Variants in ITGA8 observed in about 807,000 individuals in gnomAD.
The protein encoded by ITGA8 is integrin subunit alpha 8, also known as integrin alpha-8.
ITGA8 carries 91 observed loss-of-function variants against 142.3 expected under a neutral mutation model. The observed-to-expected ratio is 0.64, with a 90% confidence interval of 0.54 to 0.76. The LOEUF (loss-of-function observed/expected upper bound fraction) is 0.76. ITGA8 is among the 30% of genes least tolerant of loss of function. The probability of loss-of-function intolerance (pLI) is 0.00; values close to 1 mark genes in which losing one functional copy is unlikely to be tolerated. For missense variants in ITGA8, 1,406 were observed against 1,327.7 expected (o/e 1.06, Z -0.92); for synonymous variants, 505 against 485.2 (o/e 1.04, Z -0.54).
At chr10:15,656,684 G>A (rs11593806) in intron 10 of ITGA8, among the ~76,000 whole-genome samples, 1 of 151,834 alleles carries the variant, frequency 6.6e-6, no homozygotes, top group African/African-American at 2.4e-5. Flanking sequence ...TATCGCTGCA[G>A]TTTTTCTTTT....
intron 23 of ITGA8, among the ~76,000 whole-genome samples, chr10:15,584,100 C>A (rs1834466973): frequency 6.6e-6 from 1 of 152,122 alleles, no homozygotes; most frequent in African/African-American, 2.4e-5. Context: ...AGTTCGAGAC[C>A]AGCCTGGCCA....
At chr10:15,518,730 CTA>C (rs1833006260) in intron 29 of ITGA8, among the ~76,000 whole-genome samples, 1 of 152,262 alleles carries the variant, frequency 6.6e-6, no homozygotes, top group Admixed American at 6.5e-5. Context: ...ACATCAAAGA[CTA>C]AGTTCAGGCT....
intron 13 of ITGA8, among the ~76,000 whole-genome samples, chr10:15,638,870 T>C (rs190931547): frequency 7.3e-4 from 111 of 152,274 alleles, no homozygotes; most frequent in African/African-American, 2.6e-3. Flanking sequence ...CTCATGTCTG[T>C]AATCCCAACT....
In ITGA8 at chr10:15,684,126, G is replaced by A. The variant is rs756898685; in HGVS notation, c.446C>T (p.Ala149Val). The A allele has an allele frequency of 6.2e-7, 1 of 1,604,276 alleles. No homozygotes were observed. The highest frequency in any genetic ancestry group is 8.5e-7 in the Non-Finnish European group (1 of 1,177,668). The part of the protein sequence containing the change: ...TVKAHKGKVV[A>V]CAPLYHWRTL... ...TCTCCAGTGATATAAAGGAGCACAG[G>A]CCTAGGAAACATCAAAGACAAAAAA... The change falls in exon 4 of 30, where the codon GCC becomes GTC. Residue 149 changes from alanine (A) to valine (V), a missense_variant and splice_region_variant. Transcript: ENST00000378076.
At chr10:15,716,475 A>G (rs1835453577) in intron 2 of ITGA8, among the ~76,000 whole-genome samples, 1 of 152,148 alleles carries the variant, frequency 6.6e-6, no homozygotes, top group African/African-American at 2.4e-5. Flanking sequence ...TTTTCTGTTT[A>G]ATTGCCAACT....
At chr10:15,697,169 G>A (rs1186543553) in intron 2 of ITGA8, among the ~76,000 whole-genome samples, 1 of 152,000 alleles carries the variant, frequency 6.6e-6, no homozygotes, top group Non-Finnish European at 1.5e-5. Flanking sequence ...CTATCTATAA[G>A]ATAGACTAAG....
At chr10:15,611,682 A>C (rs368850739) in intron 15 of ITGA8, 2 of 147,458 alleles carry the variant, frequency 1.4e-5, no homozygotes, top group Admixed American at 1.3e-4. Flanking sequence ...TAGTAGAGAC[A>C]GGGTTTCACC....
Position 15,575,470 on chromosome 10 carries a change from T to A in ITGA8, c.2478+19A>T, listed in dbSNP as rs1834269163. The stretch of plus-strand genomic sequence containing the variant: ...TAAGAATAAACCCCTAACACAACTT[T>A]AACACAGACAATGGCTACCTCATAA... On this transcript the variant is annotated intron_variant, in intron 24 of 29. Coordinates refer to ENST00000378076, the MANE Select transcript of ITGA8 (RefSeq NM_003638.3). 1 of 1,555,304 alleles carries A rather than the reference T, an allele frequency of 6.4e-7. No homozygotes were observed.
At chr10:15,666,564 G>C (rs183498548) in intron 8 of ITGA8, among the ~76,000 whole-genome samples, 1 of 152,154 alleles carries the variant, frequency 6.6e-6, no homozygotes, top group Non-Finnish European at 1.5e-5. Context: ...TGTTGAATAG[G>C]AGTGATGAGA....
At chr10:15,682,516 G>A (rs1588720639) in intron 4 of ITGA8, among the ~76,000 whole-genome samples, 1 of 152,086 alleles carries the variant, frequency 6.6e-6, no homozygotes, top group South Asian at 2.1e-4. Flanking sequence ...TAAACAGAAA[G>A]CAATAATCTT....
intron 8 of ITGA8, 48 bp from the exon 9 acceptor site, chr10:15,660,970 A>C (rs1554783074): frequency 5.0e-6 from 7 of 1,388,812 alleles, no homozygotes; most frequent in Admixed American, 1.7e-5. Flanking sequence ...CACACACACA[A>C]ACACACACAC....
chr10:15,636,029 T>C (rs535383377), intron 13 of ITGA8, among the ~76,000 whole-genome samples: 24 of 152,180 alleles, frequency 1.6e-4, no homozygotes, highest in African/African-American at 4.6e-4. Flanking sequence ...CTTCATGATA[T>C]AATTATATAG....
At chr10:15,566,582 G>A (rs1280769167) in intron 25 of ITGA8, among the ~76,000 whole-genome samples, 1 of 151,904 alleles carries the variant, frequency 6.6e-6, no homozygotes, top group Non-Finnish European at 1.5e-5. Flanking sequence ...AGGTCGAGGT[G>A]GGTGAATTGC....
In ITGA8 at chr10:15,628,536, G is replaced by A. The variant is rs1385076914; in HGVS notation, c.1400-11977C>T. ...TTTAGTAGAGACAGGGTTTCACCTC[G>A]TCAGCCAGGATGGTCTTGATCTCCT... On this transcript the variant is annotated intron_variant, in intron 13 of 29. Transcript: ENST00000378076. Among the ~76,000 whole-genome samples, 11 of 151,628 alleles carry A rather than the reference G, an allele frequency of 7.3e-5. No individual in the cohort carries two copies. In the East Asian group the frequency reaches 9.7e-4, roughly 13 times the overall value.
intron 28 of ITGA8, among the ~76,000 whole-genome samples, chr10:15,521,893 TA>T (rs1449286852): frequency 1.3e-5 from 2 of 152,126 alleles, no homozygotes; most frequent in African/African-American, 4.8e-5. Flanking sequence ...AAGTGGGAGC[TA>T]AACAAGTGGA....
chr10:15,636,545 CA>C (rs1437061372), intron 13 of ITGA8, among the ~76,000 whole-genome samples: 1 of 152,106 alleles, frequency 6.6e-6, no homozygotes, highest in Non-Finnish European at 1.5e-5. Flanking sequence ...TATTATATAA[CA>C]AAATCCCCCA....
intron 29 of ITGA8, among the ~76,000 whole-genome samples, chr10:15,517,690 G>C (rs1257927837): frequency 6.6e-6 from 1 of 152,202 alleles, no homozygotes. Flanking sequence ...CAAATTAGGA[G>C]GTTCGAGCAG....
intron 25 of ITGA8, among the ~76,000 whole-genome samples, chr10:15,561,722 G>A (rs562249513): frequency 1.8e-4 from 27 of 152,192 alleles, no homozygotes; most frequent in Non-Finnish European, 3.2e-4. Flanking sequence ...TTCTCTGGAA[G>A]TGTTAGAAAG....
chr10:15,558,218 G>T lies in ITGA8; in HGVS notation c.2638-16C>A, dbSNP rs1833918468. On this transcript the variant is annotated splice_polypyrimidine_tract_variant and intron_variant, in intron 25 of 29. Coordinates refer to ENST00000378076, the MANE Select transcript of ITGA8 (RefSeq NM_003638.3). ...AGGCAGCAGGCTGCAAAAAGAAAGTGGGAGATACCACATTAAAAACACATG... is the reference window on the plus strand; with the variant it reads ...AGGCAGCAGGCTGCAAAAAGAAAGTTGGAGATACCACATTAAAAACACATG... 1.2e-6 allele frequency: 2 copies of T among 1,613,554 alleles called. No homozygotes were observed. Among genetic ancestry groups the T allele is most frequent in the Non-Finnish European group, 1.7e-6 (2 of 1,179,796 alleles).
Sources: allele counts gnomAD v4.1 joint callset (sites outside exome capture counted in the v4.1 genomes callset), GRCh38; gene constraint gnomAD v4.1.1; transcripts MANE v1.5; gene names NCBI Gene and HGNC (gene_info 2026-07-23, HGNC 2026-07-21).